Variants in NRXN1 observed in about 807,000 individuals in gnomAD.
NRXN1 encodes neurexin 1.
In NRXN1, 39 loss-of-function variants were observed where a neutral mutation model predicts 150.9. That is an observed-to-expected ratio of 0.26 (90% CI 0.20 to 0.34). The LOEUF is 0.34. Ranked by LOEUF, NRXN1 falls within the 10% of genes least tolerant of loss-of-function variation. NRXN1 has a pLI of 1.00. For synonymous variants in NRXN1, 924 were observed against 757.0 expected, an observed-to-expected ratio of 1.22 and a Z score of -3.62; for missense variants, 1,815 against 1,949.9, an observed-to-expected ratio of 0.93 and a Z score of 1.30.
chr2:50,715,221 G>T (rs1695716403), intron 5 of NRXN1, among the ~76,000 whole-genome samples: 1 of 152,100 alleles, frequency 6.6e-6, no homozygotes, highest in Non-Finnish European at 1.5e-5. Flanking sequence ...ATATATGTCA[G>T]TTTCAGTCAT....
At chr2:50,802,611 AAG>A (rs892792315) in intron 5 of NRXN1, among the ~76,000 whole-genome samples, 1 of 151,578 alleles carries the variant, frequency 6.6e-6, no homozygotes, top group Admixed American at 6.6e-5. Flanking sequence ...GAAGGAAAGA[AAG>A]AGGAAAGAAA....
intron 2 of NRXN1, among the ~76,000 whole-genome samples, chr2:51,016,896 CAT>C: frequency 6.6e-6 from 1 of 152,068 alleles, no homozygotes; most frequent in Admixed American, 6.5e-5. Context: ...AAATGTGGCA[CAT>C]ATATACCATG....
chr2:50,992,393 A>C (rs1698664117), intron 2 of NRXN1, among the ~76,000 whole-genome samples: 1 of 151,952 alleles, frequency 6.6e-6, no homozygotes, highest in Non-Finnish European at 1.5e-5. Flanking sequence ...CCTTTTATTA[A>C]ATTATGCAAG....
chr2:50,049,034 A>T (rs1692276699), intron 21 of NRXN1, among the ~76,000 whole-genome samples: 1 of 152,186 alleles, frequency 6.6e-6, no homozygotes, highest in Non-Finnish European at 1.5e-5. Flanking sequence ...TACCACAGAC[A>T]AATTTTGCTC....
intron 5 of NRXN1, among the ~76,000 whole-genome samples, chr2:50,754,970 G>A (rs537797502): frequency 9.2e-5 from 14 of 151,862 alleles, no homozygotes; most frequent in Admixed American, 2.6e-4. Flanking sequence ...AGTACTTTGG[G>A]TCTTGCACCA....
chr2:50,762,092 T>C (rs1032755655), intron 5 of NRXN1, among the ~76,000 whole-genome samples: 1 of 146,068 alleles, frequency 6.8e-6, no homozygotes, highest in African/African-American at 2.5e-5. Context: ...TCAATACTCC[T>C]TAATAAACTC....
chr2:50,015,885 G>A (rs1289923898), intron 21 of NRXN1, among the ~76,000 whole-genome samples: 1 of 152,054 alleles, frequency 6.6e-6, no homozygotes, highest in Non-Finnish European at 1.5e-5. Context: ...CTATCTTGCA[G>A]GATTTTGTGA....
chr2:50,422,983 T>G (rs1412537068), intron 17 of NRXN1, among the ~76,000 whole-genome samples: 1 of 152,188 alleles, frequency 6.6e-6, no homozygotes, highest in Middle Eastern at 3.2e-3. Context: ...ATGGAAAACG[T>G]TTTGCTGGCC....
At chr2:50,867,232 T>A (rs1370565710) in intron 5 of NRXN1, among the ~76,000 whole-genome samples, 1 of 151,852 alleles carries the variant, frequency 6.6e-6, no homozygotes, top group African/African-American at 2.4e-5. Context: ...TCCTATGTAG[T>A]GACAGGGCAA....
intron 12 of NRXN1, among the ~76,000 whole-genome samples, chr2:50,512,968 T>C (rs529014743): frequency 1.3e-5 from 2 of 152,294 alleles, no homozygotes; most frequent in Admixed American, 1.3e-4. Context: ...GCATGCATCA[T>C]AAGAAAAGCT....
chr2:50,389,267 G>C (rs1480494403), intron 17 of NRXN1, among the ~76,000 whole-genome samples: 1 of 149,992 alleles, frequency 6.7e-6, no homozygotes, highest in African/African-American at 2.5e-5. Flanking sequence ...ATATGAATAA[G>C]TTGACATGTC....
At chr2:50,949,255 T>C (rs1354749615) in intron 2 of NRXN1, among the ~76,000 whole-genome samples, 1 of 152,024 alleles carries the variant, frequency 6.6e-6, no homozygotes, top group Non-Finnish European at 1.5e-5. Context: ...TATTCAACCA[T>C]ATAATACTGA....
intron 19 of NRXN1, among the ~76,000 whole-genome samples, chr2:50,064,148 A>G (rs1421587): frequency 0.67 from 101,480 of 151,662 alleles, 34,502 homozygotes; most frequent in African/African-American, 0.77. Flanking sequence ...ATATGTGTGC[A>G]TGTCTATTTA....
chr2:50,684,900 G>A (rs1252928225), intron 5 of NRXN1, among the ~76,000 whole-genome samples: 1 of 152,092 alleles, frequency 6.6e-6, no homozygotes, highest in African/African-American at 2.4e-5. Flanking sequence ...AGAGTACTGG[G>A]AATATCATCC....
intron 5 of NRXN1, among the ~76,000 whole-genome samples, chr2:50,826,172 G>A (rs945536074): frequency 6.6e-6 from 1 of 152,038 alleles, no homozygotes; most frequent in African/African-American, 2.4e-5. Context: ...ACAGGTTGGT[G>A]GATTCTTTAA....
chr2:50,269,377 C>T (rs1318433615), intron 17 of NRXN1, among the ~76,000 whole-genome samples: 3 of 152,274 alleles, frequency 2.0e-5, no homozygotes, highest in Middle Eastern at 3.4e-3. Flanking sequence ...AATATAAAAG[C>T]AGCTAAAAGA....
chr2:50,575,524 T>C lies in NRXN1; in HGVS notation c.1321-22499A>G, dbSNP rs977823763. Among the ~76,000 whole-genome samples the C allele has an allele frequency of 2.6e-5, 4 of 152,198 alleles. No homozygotes were observed. In the East Asian group the frequency reaches 5.8e-4, roughly 22 times the overall value. On this transcript the variant is annotated intron_variant, in intron 8 of 22. Coordinates refer to ENST00000401669, the MANE Select transcript of NRXN1 (RefSeq NM_001330078.2). ...AATGACAGGCTCTGTATTGCTATAG[T>C]TATGTGTGCCAAAGAATTCTGATCT... is the stretch of plus-strand genomic sequence containing the variant.
intron 17 of NRXN1, among the ~76,000 whole-genome samples, chr2:50,297,882 G>C (rs2073770437): frequency 6.6e-6 from 1 of 151,940 alleles, no homozygotes; most frequent in South Asian, 2.1e-4. Flanking sequence ...CATGTATAAG[G>C]GCAACATGGG....
chr2:50,463,220 A>G lies in NRXN1; in HGVS notation c.3364+2222T>C, dbSNP rs753893719. Among the ~76,000 whole-genome samples the G allele has an allele frequency of 4.6e-4, 70 of 151,824 alleles. 1 individual carries two copies. The highest frequency in any genetic ancestry group is 3.2e-4 in the Non-Finnish European group (22 of 67,810). ...ACAAGATTTATTTTGATCAATTTAA[A>G]AAGTGAGGAAAGTGTTGCATGCTAT... On this transcript the variant is annotated intron_variant, in intron 17 of 22. Transcript: ENST00000401669.
Sources: allele counts gnomAD v4.1 joint callset (sites outside exome capture counted in the v4.1 genomes callset), GRCh38; gene constraint gnomAD v4.1.1; transcripts MANE v1.5; gene names NCBI Gene and HGNC (gene_info 2026-07-23, HGNC 2026-07-21).